GLDC: variants seen among roughly 807,000 people sequenced by gnomAD.
The protein encoded by GLDC is glycine dehydrogenase (decarboxylating), mitochondrial.
GLDC carries 104 observed loss-of-function variants against 121.3 expected under a neutral mutation model. That is an observed-to-expected ratio of 0.86 (90% CI 0.73 to 1.01). The LOEUF (loss-of-function observed/expected upper bound fraction) is 1.01. Among genes scored for constraint, GLDC ranks in the 50% least tolerant of loss-of-function variants. GLDC has a pLI of 0.00. For synonymous variants in GLDC, 546 were observed against 480.6 expected (o/e 1.14, Z -1.78); for missense variants, 1,429 against 1,306.6 (o/e 1.09, Z -1.44).
intron 5 of GLDC, chr9:6,605,972 CA>C (rs937987749): frequency 1.3e-5 from 2 of 159,518 alleles, no homozygotes; most frequent in African/African-American, 4.8e-5. Flanking sequence ...TCAAACGTTC[CA>C]AAACCTGATC....
At position 6,534,837 on chromosome 9, in the gene GLDC, TCTC is replaced by T. The variant is rs767564974; in HGVS notation, c.2839-52_2839-50del. ...GAGGGGTCAGAGCAATACACTCTCT[TCTC>T]CTCCTACCCTGCACCTCAACCGTCA... On this transcript the variant is annotated intron_variant, in intron 23 of 24. Transcript: ENST00000321612. The T allele has an allele frequency of 2.6e-5, 25 of 972,304 alleles. No homozygotes were observed. The African/African-American group carries it at 4.0e-4, about 15-fold the overall frequency. 60.2% of individuals were successfully genotyped at this position (972,304 alleles called of 1,614,324 possible). A position where few individuals can be genotyped will look rare whatever the true frequency, so the allele number is the denominator to read the frequency against.
chr9:6,622,027 A>G (rs1193769717), intron 2 of GLDC, among the ~76,000 whole-genome samples: 1 of 152,214 alleles, frequency 6.6e-6, no homozygotes, highest in Non-Finnish European at 1.5e-5. Context: ...TAGGTAAAGC[A>G]AAACCTAAGA....
intron 2 of GLDC, among the ~76,000 whole-genome samples, chr9:6,631,150 C>T (rs1215552167): frequency 1.3e-5 from 2 of 152,234 alleles, no homozygotes; most frequent in African/African-American, 4.8e-5. Context: ...AGTCTCCTTG[C>T]TCTAAGCCTG....
chr9:6,575,125 G>A (rs1243821799), intron 15 of GLDC, among the ~76,000 whole-genome samples: 1 of 150,848 alleles, frequency 6.6e-6, no homozygotes, highest in Non-Finnish European at 1.5e-5. Context: ...AAAATCGCTT[G>A]AATTCGGGAG....
At chr9:6,548,560 G>C (rs1220145612) in intron 21 of GLDC, among the ~76,000 whole-genome samples, 1 of 152,132 alleles carries the variant, frequency 6.6e-6, no homozygotes, top group Non-Finnish European at 1.5e-5. Context: ...CACCCCTTTG[G>C]ATACTGATTT....
At chr9:6,639,669 GTA>G (rs150365649) in intron 2 of GLDC, 4,288 of 221,310 alleles carry the variant, frequency 0.019, no homozygotes, top group South Asian at 0.028. Context: ...TAAAAAAAAA[GTA>G]TATATATATA....
intron 2 of GLDC, among the ~76,000 whole-genome samples, chr9:6,633,196 CAG>C (rs1819427121): frequency 6.6e-6 from 1 of 152,284 alleles, no homozygotes; most frequent in East Asian, 1.9e-4. Context: ...GAATACGACA[CAG>C]GGGTCCGTAA....
At chr9:6,572,596 T>C (rs1475594132) in intron 15 of GLDC, among the ~76,000 whole-genome samples, 2 of 152,154 alleles carry the variant, frequency 1.3e-5, no homozygotes, top group Non-Finnish European at 2.9e-5. Flanking sequence ...TGTGCAATAC[T>C]CCAGCCAGGA....
intron 2 of GLDC, among the ~76,000 whole-genome samples, chr9:6,629,945 G>GTATACATA (rs1554650760): frequency 4.3e-5 from 2 of 46,824 alleles, no homozygotes; most frequent in African/African-American, 2.7e-4. Flanking sequence ...ATATATATAT[G>GTATACATA]TATATATATA....
At chr9:6,591,468 G>C (rs1385848232) in intron 11 of GLDC, among the ~76,000 whole-genome samples, 1 of 152,186 alleles carries the variant, frequency 6.6e-6, no homozygotes, top group Non-Finnish European at 1.5e-5. Context: ...GCCTAGCATA[G>C]CACCTGACAC....
intron 15 of GLDC, among the ~76,000 whole-genome samples, chr9:6,570,306 G>T (rs1304384941): frequency 1.3e-5 from 2 of 152,116 alleles, no homozygotes; most frequent in Non-Finnish European, 2.9e-5. Context: ...CCACGCTGTG[G>T]ATTCTAAAGT....
intron 14 of GLDC, among the ~76,000 whole-genome samples, chr9:6,587,672 T>G (rs1818297525): frequency 6.6e-6 from 1 of 151,986 alleles, no homozygotes; most frequent in South Asian, 2.1e-4. Context: ...AACACAAAAG[T>G]AAATGGGAAG....
chr9:6,637,782 A>G (rs1274999063), intron 2 of GLDC, among the ~76,000 whole-genome samples: 1 of 152,078 alleles, frequency 6.6e-6, no homozygotes, highest in Non-Finnish European at 1.5e-5. Flanking sequence ...TGAGATTTCT[A>G]GTTTGGGATT....
intron 23 of GLDC, among the ~76,000 whole-genome samples, chr9:6,535,281 A>C (rs1314507903): frequency 6.6e-6 from 1 of 151,978 alleles, no homozygotes; most frequent in African/African-American, 2.4e-5. Flanking sequence ...CATTTAAAAA[A>C]ATAGCCTAAA....
intron 21 of GLDC, among the ~76,000 whole-genome samples, chr9:6,547,197 A>T (rs1258988381): frequency 6.6e-6 from 1 of 152,160 alleles, no homozygotes. Context: ...ACAAATAAGC[A>T]ATTAGGGAAA....
intron 8 of GLDC, among the ~76,000 whole-genome samples, chr9:6,597,908 TGG>T (rs879847160): frequency 0.19 from 28,433 of 152,036 alleles, 3,480 homozygotes; most frequent in Non-Finnish European, 0.27. Context: ...CACTCCAGCC[TGG>T]GCGATGGAGC....
At chr9:6,611,570 AAT>A in intron 3 of GLDC, among the ~76,000 whole-genome samples, 1 of 152,016 alleles carries the variant, frequency 6.6e-6, no homozygotes, top group South Asian at 2.1e-4. Flanking sequence ...AAAAAAAAAA[AAT>A]TAGTACATCA....
In GLDC at chr9:6,556,219, G is replaced by C. The variant is rs762761551; in HGVS notation, c.2136C>G (p.Asp712Glu). Residue 712 changes from aspartate to glutamate, a missense_variant, in exon 18 of 25, where the codon GAC becomes GAG. By Grantham distance (45) the Asp-to-Glu change is conservative. Transcript: ENST00000321612. ...CATGTTGATGGATGAGGTCACACAC[G>C]TCACTGATGTTCTCTTCAAACACCC... ...TNGVFEENIS[D>E]VCDLIHQHGG... 13 of 1,611,706 alleles carry C rather than the reference G, an allele frequency of 8.1e-6. No individual in the cohort carries two copies. In the East Asian group the frequency reaches 2.9e-4, roughly 36 times the overall value.
chr9:6,616,337 G>T (rs1204655009), intron 3 of GLDC, among the ~76,000 whole-genome samples: 1 of 152,164 alleles, frequency 6.6e-6, no homozygotes, highest in Non-Finnish European at 1.5e-5. Flanking sequence ...TCCAAGGTGA[G>T]GTTAATGTTA....
Sources: gnomAD v4.1 joint callset for allele counts (sites outside exome capture counted in the v4.1 genomes callset) on GRCh38, gnomAD v4.1.1 for gene constraint, MANE v1.5 for transcripts, NCBI Gene and HGNC (gene_info 2026-07-23, HGNC 2026-07-21) for gene names.